The following CCSER1 variants were observed in gnomAD, a reference collection of about 807,000 sequenced individuals.
The protein encoded by CCSER1 is serine-rich coiled-coil domain-containing protein 1.
Under a neutral mutation model 82.0 loss-of-function variants are expected in CCSER1, and 41 were observed. The observed-to-expected ratio is 0.50, with a 90% CI of 0.39 to 0.65. CCSER1 has a LOEUF of 0.65. Among genes scored for constraint, CCSER1 ranks in the 30% least tolerant of loss-of-function variants. The pLI, the probability that CCSER1 is intolerant of heterozygous loss-of-function variation, is 0.00. For synonymous variants in CCSER1, 414 were observed against 383.9 expected (o/e 1.08, Z -0.92); for missense variants, 1,119 against 1,064.2 (o/e 1.05, Z -0.72).
At chr4:90,782,107 A>T in intron 7 of CCSER1, 2 of 386,736 alleles carry the variant, frequency 5.2e-6, no homozygotes, top group Non-Finnish European at 7.1e-6. Context: ...ATAAGAAAAA[A>T]TCCAGTCTTG....
At position 91,132,952 on chromosome 4, in the gene CCSER1, C is replaced by A. The variant is rs183066540; in HGVS notation, c.2217+46958C>A. 3.0e-4 allele frequency among the ~76,000 whole-genome samples: 45 copies of A among 152,206 alleles called. No homozygotes were observed. In the East Asian group the frequency reaches 7.9e-3, roughly 27 times the overall value. ...TTTTTCTTCCTAACAGACTGTAGAT[C>A]TGACTTCTTGGGGATATAATCCTTG... On this transcript the variant is annotated intron_variant, in intron 10 of 10. Transcript: ENST00000509176.
At chr4:90,609,328 A>T (rs1785150456) in intron 5 of CCSER1, among the ~76,000 whole-genome samples, 1 of 152,122 alleles carries the variant, frequency 6.6e-6, no homozygotes, top group Non-Finnish European at 1.5e-5. Context: ...TTTGTGAGTT[A>T]ACGCATATAA....
chr4:91,137,871 C>A (rs1240553292), intron 10 of CCSER1, among the ~76,000 whole-genome samples: 1 of 139,356 alleles, frequency 7.2e-6, no homozygotes, highest in East Asian at 2.2e-4. Flanking sequence ...AGGAATCCAA[C>A]TTACAAGGGA....
intron 7 of CCSER1, among the ~76,000 whole-genome samples, chr4:90,747,419 C>T (rs1747679111): frequency 2.6e-5 from 4 of 151,716 alleles, no homozygotes; most frequent in Admixed American, 6.6e-5. Flanking sequence ...CAAACTATAG[C>T]AACAAAATAC....
intron 10 of CCSER1, among the ~76,000 whole-genome samples, chr4:91,245,941 C>G (rs1739740574): frequency 6.6e-6 from 1 of 152,102 alleles, no homozygotes; most frequent in Admixed American, 6.5e-5. Context: ...GGTGATCCAC[C>G]CACCTCGGCC....
At chr4:91,168,948 T>C (rs1284458322) in intron 10 of CCSER1, among the ~76,000 whole-genome samples, 1 of 152,108 alleles carries the variant, frequency 6.6e-6, no homozygotes, top group African/African-American at 2.4e-5. Flanking sequence ...CAGGGTTAAA[T>C]GGATTAAGGG....
intron 10 of CCSER1, among the ~76,000 whole-genome samples, chr4:91,092,856 G>C (rs1295297404): frequency 1.3e-5 from 2 of 152,126 alleles, no homozygotes. Flanking sequence ...TCCTGCCTCT[G>C]TGTCTGCTCA....
intron 10 of CCSER1, among the ~76,000 whole-genome samples, chr4:91,310,189 C>A (rs1359232905): frequency 6.6e-6 from 1 of 151,886 alleles, no homozygotes; most frequent in Admixed American, 6.6e-5. Flanking sequence ...GTTCTGCATT[C>A]CATGATTGTG....
rs577543808 is a variant in CCSER1, at chr4:90,165,003, C to T, written c.-42+37172C>T. On this transcript the variant is annotated intron_variant, in intron 1 of 10. Transcript: ENST00000509176. ...AAATCAAAAAGACATATAGATATTT[C>T]ATGATTTGAACTTGTTGAAAATCAC... Among the ~76,000 whole-genome samples, 382 of 152,168 alleles carry T rather than the reference C, an allele frequency of 2.5e-3. 4 individuals are homozygous for T. Among genetic ancestry groups the T allele is most frequent in the African/African-American group, 8.9e-3 (369 of 41,560 alleles).
At chr4:90,707,488 G>A (rs773926308) in intron 6 of CCSER1, among the ~76,000 whole-genome samples, 2 of 149,220 alleles carry the variant, frequency 1.3e-5, no homozygotes, top group South Asian at 4.2e-4. Context: ...TTCTCTCATA[G>A]CCCATATCCA....
intron 9 of CCSER1, among the ~76,000 whole-genome samples, chr4:90,930,050 G>A (rs989699534): frequency 6.6e-6 from 1 of 152,030 alleles, no homozygotes; most frequent in Non-Finnish European, 1.5e-5. Flanking sequence ...GAGTACACAC[G>A]CAGGAGGTTT....
intron 1 of CCSER1, among the ~76,000 whole-genome samples, chr4:90,246,364 TATC>T (rs1298503921): frequency 6.6e-6 from 1 of 152,168 alleles, no homozygotes; most frequent in Non-Finnish European, 1.5e-5. Flanking sequence ...TTTCTGTACT[TATC>T]ATTTTTAGTG....
At chr4:90,712,301 A>G (rs550967897) in intron 6 of CCSER1, among the ~76,000 whole-genome samples, 1 of 152,082 alleles carries the variant, frequency 6.6e-6, no homozygotes, top group South Asian at 2.1e-4. Flanking sequence ...TTTCCTTCTT[A>G]ACACTGCCTT....
At chr4:90,591,185 G>A (rs1385169781) in intron 5 of CCSER1, among the ~76,000 whole-genome samples, 1 of 152,074 alleles carries the variant, frequency 6.6e-6, no homozygotes. Flanking sequence ...AGGAGTATTT[G>A]GGCTGAGAAA....
intron 7 of CCSER1, among the ~76,000 whole-genome samples, chr4:90,774,991 T>C (rs1016354091): frequency 3.9e-5 from 6 of 152,146 alleles, no homozygotes; most frequent in African/African-American, 1.4e-4. Context: ...TGCTAATCAA[T>C]GTTGTAAATG....
intron 8 of CCSER1, among the ~76,000 whole-genome samples, chr4:90,830,078 T>G (rs1000941468): frequency 6.6e-6 from 1 of 152,232 alleles, no homozygotes. Flanking sequence ...AGCCAAATTA[T>G]CGTTTCTAGA....
intron 6 of CCSER1, among the ~76,000 whole-genome samples, chr4:90,632,330 C>G (rs140964726): frequency 6.6e-6 from 1 of 151,826 alleles, no homozygotes; most frequent in Non-Finnish European, 1.5e-5. Context: ...ATTATTCTAC[C>G]TACTTTGGGT....
At chr4:90,628,643 T>A (rs1723777856) in intron 6 of CCSER1, among the ~76,000 whole-genome samples, 1 of 152,170 alleles carries the variant, frequency 6.6e-6, no homozygotes, top group Non-Finnish European at 1.5e-5. Context: ...TCATTTTTGT[T>A]CCAATAATCA....
intron 1 of CCSER1, among the ~76,000 whole-genome samples, chr4:90,222,693 A>G (rs998493544): frequency 7.9e-5 from 12 of 152,108 alleles, no homozygotes; most frequent in Non-Finnish European, 1.6e-4. Context: ...TTCAATGTAT[A>G]TCTTTCATAT....
Sources: gnomAD v4.1 joint callset for allele counts (sites outside exome capture counted in the v4.1 genomes callset) on GRCh38, gnomAD v4.1.1 for gene constraint, MANE v1.5 for transcripts, NCBI Gene and HGNC (gene_info 2026-07-23, HGNC 2026-07-21) for gene names.